The following TMEM255B variants were observed in gnomAD, a reference collection of about 807,000 sequenced individuals.
TMEM255B encodes family with sequence similarity 70, member B.
Under a neutral mutation model 34.5 loss-of-function variants are expected in TMEM255B, and 35 were observed. That is an observed-to-expected ratio of 1.01 (90% CI 0.77 to 1.34). The LOEUF is 1.34. TMEM255B is among the 40% of genes most tolerant of loss of function. The pLI is 0.00. For missense variants in TMEM255B, 432 were observed against 433.2 expected (o/e 1.00, Z 0.02); for synonymous variants, 206 against 201.2 (o/e 1.02, Z -0.20).
chr13:113,810,728 C>T lies in TMEM255B; in HGVS notation c.814-1008C>T, dbSNP rs567383414. 3.9e-3 allele frequency among the ~76,000 whole-genome samples: 593 copies of T among 152,278 alleles called. 5 individuals are homozygous for T. The highest frequency in any genetic ancestry group is 0.011 in the Admixed American group (163 of 15,298). The stretch of plus-strand genomic sequence containing the variant: ...CCTTCAGTGGAGAGGAGGGGCCGTC[C>T]GTGTCCAGGGGCTGAGGCACTGTAC... On this transcript the variant is annotated intron_variant, in intron 8 of 8. Transcript: ENST00000375353.
Position 113,800,989 on chromosome 13 carries a change from C to A in TMEM255B, c.509+77C>A, listed in dbSNP as rs971108421. 6.8e-6 allele frequency: 9 copies of A among 1,325,352 alleles called. No homozygotes were observed. In the African/African-American group the frequency reaches 1.7e-4, roughly 26 times the overall value. 82.1% of individuals were successfully genotyped at this position (1,325,352 alleles called of 1,614,324 possible). On this transcript the variant is annotated intron_variant, in intron 6 of 8. Transcript: ENST00000375353. ...CTGGGGACCCCCGTATCTACACCTG[C>A]GGGAGGTGAGGGGCGCTGGGGACCC...
intron 3 of TMEM255B, among the ~76,000 whole-genome samples, chr13:113,778,717 C>A (rs1051978287): frequency 1.3e-5 from 2 of 152,138 alleles, no homozygotes; most frequent in African/African-American, 4.8e-5. Flanking sequence ...ACGATGATCA[C>A]CTGTGGTACT....
At position 113,814,159 on chromosome 13, in the gene TMEM255B, G is replaced by A. The variant is rs2051378751; in HGVS notation, c.*2256G>A. 1 of 152,208 alleles carries A rather than the reference G, an allele frequency of 6.6e-6. No homozygotes were observed. The allele number at this position is 152,208 out of a possible 1,614,324, so 9.4% of individuals were successfully genotyped here. On this transcript the variant is annotated 3_prime_UTR_variant, in exon 9 of 9. Coordinates refer to ENST00000375353, the MANE Select transcript of TMEM255B (RefSeq NM_182614.4). ...CTGGAGCTCGGGCTGTGCCCCCGAA[G>A]CTGCCTGGTGCAGGCACCAGCACCT...
chr13:113,801,270 C>T (rs1338505441), intron 6 of TMEM255B, among the ~76,000 whole-genome samples: 2 of 152,236 alleles, frequency 1.3e-5, no homozygotes, highest in Non-Finnish European at 2.9e-5. Flanking sequence ...TTAAACCTGG[C>T]CTGGCCTCTG....
chr13:113,782,958 T>G (rs2050688234), intron 3 of TMEM255B, among the ~76,000 whole-genome samples: 2 of 152,342 alleles, frequency 1.3e-5, no homozygotes, highest in East Asian at 3.9e-4. Flanking sequence ...CTTTTTGAAT[T>G]CTTTGTTCCT....
At chr13:113,778,003 C>T (rs1361499200) in intron 3 of TMEM255B, among the ~76,000 whole-genome samples, 1 of 152,180 alleles carries the variant, frequency 6.6e-6, no homozygotes, top group Non-Finnish European at 1.5e-5. Flanking sequence ...CAGAGAGGAG[C>T]CCACAGCTGC....
At chr13:113,791,421 G>A (rs2050830092) in intron 3 of TMEM255B, among the ~76,000 whole-genome samples, 1 of 152,216 alleles carries the variant, frequency 6.6e-6, no homozygotes, top group African/African-American at 2.4e-5. Context: ...CTAGGCAGAT[G>A]TGGGCTTCCT....
rs200583695 is a variant in TMEM255B at position 113,778,350 on chromosome 13, T to C, written c.252+9190T>C. Among the ~76,000 whole-genome samples, 3 of 152,164 alleles carry C rather than the reference T, an allele frequency of 2.0e-5. No homozygotes were observed. In the East Asian group the frequency reaches 5.8e-4, roughly 29 times the overall value. On this transcript the variant is annotated intron_variant, in intron 3 of 8. Transcript: ENST00000375353. Reference sequence around the variant, plus strand: ...AATGGTATCAGCTGCTGTAACGATGTGATGATGATCACCTGTGGTGCCATG... The same window carrying C: ...AATGGTATCAGCTGCTGTAACGATGCGATGATGATCACCTGTGGTGCCATG...
At chr13:113,800,962 C>A in intron 6 of TMEM255B, 50 bp downstream of exon 6, 1 of 1,176,356 alleles carries the variant, frequency 8.5e-7, no homozygotes, top group Non-Finnish European at 1.2e-6. Context: ...AGGTGAGGGG[C>A]GCTGGGGACC....
intron 3 of TMEM255B, among the ~76,000 whole-genome samples, chr13:113,793,886 C>T (rs931791878): frequency 2.0e-5 from 3 of 152,226 alleles, no homozygotes; most frequent in East Asian, 1.9e-4. Flanking sequence ...GGCAGGCGGC[C>T]ACCACTGGTC....
chr13:113,766,290 G>T, intron 2 of TMEM255B, 33 bp downstream of exon 2: 1 of 1,612,968 alleles, frequency 6.2e-7, no homozygotes, highest in Non-Finnish European at 8.5e-7. Flanking sequence ...CTGGGCCGGG[G>T]AGGGCAGGGT....
At chr13:113,804,790 CG>C in intron 7 of TMEM255B, 94 bp from the exon 8 acceptor site, 1 of 1,154,650 alleles carries the variant, frequency 8.7e-7, no homozygotes, top group Non-Finnish European at 1.2e-6. Flanking sequence ...GCCTGAGAGT[CG>C]GGGGTCGAGG....
intron 3 of TMEM255B, among the ~76,000 whole-genome samples, chr13:113,782,672 C>CA (rs1555365599): frequency 7.2e-6 from 1 of 137,984 alleles, no homozygotes; most frequent in Non-Finnish European, 1.5e-5. Context: ...CTGTGATGGT[C>CA]GGAGGGGGGG....
intron 8 of TMEM255B, among the ~76,000 whole-genome samples, chr13:113,807,360 A>G (rs1317856898): frequency 7.2e-6 from 1 of 139,792 alleles, no homozygotes; most frequent in Non-Finnish European, 1.5e-5. Flanking sequence ...TCCCCGTCAC[A>G]CGAGGGCTTA....
chr13:113,799,465 C>A (rs1332145855), intron 5 of TMEM255B, 46 bp downstream of exon 5: 6 of 1,584,578 alleles, frequency 3.8e-6, no homozygotes, highest in Non-Finnish European at 5.2e-6. Context: ...TCAGCTAACC[C>A]CGCCGACCCC....
Position 113,806,086 on chromosome 13 carries a change from ATGACGTTGTCAGG to A in TMEM255B, c.813+1059_813+1071del, listed in dbSNP as rs2051165778. ...CCACAAGAGGACCCTCTCCCGACACATGACGTTGTCAGGAAAAGATCTTCCTTAGAGGGACATC... is the reference window on the plus strand; with the variant it reads ...CCACAAGAGGACCCTCTCCCGACACAAAAAGATCTTCCTTAGAGGGACATC... On this transcript the variant is annotated intron_variant, in intron 8 of 8. Transcript: ENST00000375353. The surrounding 1 kb of genome is among the most constrained non-coding windows in gnomAD (Gnocchi z 4.2). 6.6e-6 allele frequency among the ~76,000 whole-genome samples: 1 copy of A among 152,182 alleles called. No homozygotes were observed. Among genetic ancestry groups the A allele is most frequent in the Non-Finnish European group, 1.5e-5 (1 of 68,032 alleles).
At chr13:113,796,233 A>G (rs1261976093) in intron 4 of TMEM255B, among the ~76,000 whole-genome samples, 1 of 150,676 alleles carries the variant, frequency 6.6e-6, no homozygotes, top group Non-Finnish European at 1.5e-5. Flanking sequence ...CACACACAAC[A>G]GAGCACATAG....
intron 3 of TMEM255B, among the ~76,000 whole-genome samples, chr13:113,782,159 T>G (rs1317948139): frequency 6.6e-6 from 1 of 152,218 alleles, no homozygotes; most frequent in Non-Finnish European, 1.5e-5. Flanking sequence ...CTTTTTAGTT[T>G]TGTAACTTTC....
At position 113,812,054 on chromosome 13, in the gene TMEM255B, G is replaced by A. The variant is rs1408012154; in HGVS notation, c.*151G>A. 1 of 1,046,168 alleles carries A rather than the reference G, an allele frequency of 9.6e-7. No individual in the cohort carries two copies. Among genetic ancestry groups the A allele is most frequent in the Non-Finnish European group, 1.4e-6 (1 of 730,652 alleles). The allele number at this position is 1,046,168 out of a possible 1,614,324, so 64.8% of individuals were successfully genotyped here. A position where few individuals can be genotyped will look rare whatever the true frequency, so the allele number is the denominator to read the frequency against. On this transcript the variant is annotated 3_prime_UTR_variant, in exon 9 of 9. Coordinates refer to ENST00000375353, the MANE Select transcript of TMEM255B (RefSeq NM_182614.4). ...TCCTTTCCTCCCTGGGCACACTGGT[G>A]AGGGAGGCTGGAACCAGGCAGGGAG...
Sources: gnomAD v4.1 joint callset for allele counts (sites outside exome capture counted in the v4.1 genomes callset) on GRCh38, gnomAD v4.1.1 for gene constraint, Gnocchi (gnomAD v3.1) non-coding constraint, MANE v1.5 for transcripts, NCBI Gene and HGNC (gene_info 2026-07-23, HGNC 2026-07-21) for gene names.